The following NCMAP variants were observed in gnomAD, a reference collection of about 807,000 sequenced individuals.
NCMAP encodes noncompact myelin-associated protein.
A neutral mutation model predicts 7.8 loss-of-function variants in NCMAP; 8 were observed. That is an observed-to-expected ratio of 1.02 (90% CI 0.60 to 1.84). The LOEUF (loss-of-function observed/expected upper bound fraction) is 1.84. Ranked by LOEUF, NCMAP falls within the 40% of genes most tolerant of loss-of-function variation. NCMAP has a pLI of 0.00. For synonymous variants in NCMAP, 41 were observed against 52.9 expected, an observed-to-expected ratio of 0.78 and a Z score of 0.98; for missense variants, 112 against 131.4, an observed-to-expected ratio of 0.85 and a Z score of 0.72.
chr1:24,558,079 T>A (rs2148923567), intron 1 of NCMAP, among the ~76,000 whole-genome samples: 1 of 152,190 alleles, frequency 6.6e-6, no homozygotes, highest in East Asian at 1.9e-4. Context: ...GCAGTGGGTT[T>A]CCATCTCCCT....
intron 1 of NCMAP, among the ~76,000 whole-genome samples, chr1:24,573,253 T>A (rs1651442035): frequency 6.6e-6 from 1 of 150,718 alleles, no homozygotes; most frequent in African/African-American, 2.5e-5. Flanking sequence ...CTTAGCTCTG[T>A]AGTGGGCAAG....
At chr1:24,558,941 G>T (rs1177895258) in intron 1 of NCMAP, among the ~76,000 whole-genome samples, 4 of 151,406 alleles carry the variant, frequency 2.6e-5, no homozygotes, top group African/African-American at 7.3e-5. Context: ...ATTTTAAGTT[G>T]CCCAATAAAC....
intron 1 of NCMAP, among the ~76,000 whole-genome samples, chr1:24,573,112 C>T (rs545634506): frequency 6.6e-5 from 10 of 150,794 alleles, no homozygotes; most frequent in Non-Finnish European, 1.2e-4. Flanking sequence ...CACCTCCACG[C>T]CTGTCTATGG....
At chr1:24,564,055 T>C (rs994067660) in intron 1 of NCMAP, 4 of 152,022 alleles carry the variant, frequency 2.6e-5, no homozygotes, top group African/African-American at 9.7e-5. Flanking sequence ...GCCAAAACAT[T>C]AGCTATGAAA....
intron 1 of NCMAP, among the ~76,000 whole-genome samples, chr1:24,559,637 C>T (rs72654603): frequency 0.073 from 11,107 of 152,278 alleles, 446 homozygotes; most frequent in Middle Eastern, 0.13. Context: ...CTCAGGCCTT[C>T]TCCGAAGGGC....
chr1:24,578,883 A>G lies in NCMAP; in HGVS notation c.-7-16541A>G, dbSNP rs147341909. 2.0e-4 allele frequency among the ~76,000 whole-genome samples: 31 copies of G among 152,158 alleles called. No homozygotes were observed. The East Asian group carries it at 5.8e-3, about 28-fold the overall frequency. On this transcript the variant is annotated intron_variant, in intron 1 of 3. Transcript: ENST00000374392. ...CACCTGACTGAGAGCTTTGTTTTCT[A>G]TCATAAACTCATCCGGCAAACTCTC...
At chr1:24,585,326 T>A (rs1651851703) in intron 1 of NCMAP, among the ~76,000 whole-genome samples, 1 of 152,192 alleles carries the variant, frequency 6.6e-6, no homozygotes, top group Non-Finnish European at 1.5e-5. Flanking sequence ...TCCTTTCTTG[T>A]GCACTGCTGT....
intron 1 of NCMAP, among the ~76,000 whole-genome samples, chr1:24,577,159 T>C (rs1570522768): frequency 6.6e-6 from 1 of 151,766 alleles, no homozygotes; most frequent in Admixed American, 6.6e-5. Flanking sequence ...AAAATAAAAA[T>C]AAAAAATAAA....
intron 1 of NCMAP, among the ~76,000 whole-genome samples, chr1:24,592,884 A>C (rs1337355779): frequency 6.6e-6 from 1 of 151,096 alleles, no homozygotes; most frequent in Admixed American, 6.6e-5. Context: ...ATGCCACTGC[A>C]CTCCAGCCTG....
At chr1:24,580,169 C>T (rs928290167) in intron 1 of NCMAP, among the ~76,000 whole-genome samples, 3 of 152,314 alleles carry the variant, frequency 2.0e-5, no homozygotes, top group Admixed American at 1.3e-4. Context: ...CTGTCCAATG[C>T]GGGAGCCACC....
chr1:24,589,446 C>T (rs1651982129), intron 1 of NCMAP: 1 of 152,334 alleles, frequency 6.6e-6, no homozygotes, highest in Non-Finnish European at 1.5e-5. Context: ...AATTGAGAGC[C>T]CTCAGTCCCG....
At chr1:24,598,101 A>G (rs55799104) in intron 2 of NCMAP, among the ~76,000 whole-genome samples, 5,302 of 152,282 alleles carry the variant, frequency 0.035, 147 homozygotes, top group Middle Eastern at 0.12. Context: ...TGAAAAACCC[A>G]GAACTAAAGT....
intron 1 of NCMAP, among the ~76,000 whole-genome samples, chr1:24,581,411 C>G (rs1044984669): frequency 3.3e-5 from 5 of 152,262 alleles, no homozygotes; most frequent in African/African-American, 1.2e-4. Context: ...GCCACTGTGA[C>G]CGGCCCCTGC....
Position 24,609,206 on chromosome 1 carries a change from T to G in NCMAP, c.*3459T>G. On this transcript the variant is annotated 3_prime_UTR_variant, in exon 4 of 4. Coordinates refer to ENST00000374392, the MANE Select transcript of NCMAP (RefSeq NM_001010980.5). ...TCATGCAGGGATCTCACCACGTGGT[T>G]ATGTATTTTGTTTCTGATGAGGTGC... is the stretch of plus-strand genomic sequence containing the variant. 1 of 152,202 alleles carries G rather than the reference T, an allele frequency of 6.6e-6. No homozygotes were observed. The highest frequency in any genetic ancestry group is 1.5e-5 in the Non-Finnish European group (1 of 68,034). 9.4% of individuals were successfully genotyped at this position (152,202 alleles called of 1,614,324 possible). A position where few individuals can be genotyped will look rare whatever the true frequency, so the allele number is the denominator to read the frequency against.
At chr1:24,600,046 G>A (rs1652423561) in intron 2 of NCMAP, among the ~76,000 whole-genome samples, 1 of 151,856 alleles carries the variant, frequency 6.6e-6, no homozygotes, top group Non-Finnish European at 1.5e-5. Context: ...ATCTTGCCCA[G>A]GTTGGTCTGG....
chr1:24,608,179 C>G lies in NCMAP; in HGVS notation c.*2432C>G, dbSNP rs1652824596. The G allele has an allele frequency of 6.6e-6, 1 of 152,176 alleles. No individual in the cohort carries two copies. The highest frequency in any genetic ancestry group is 1.5e-5 in the Non-Finnish European group (1 of 68,032). 9.4% of individuals were successfully genotyped at this position (152,176 alleles called of 1,614,324 possible). Reference sequence around the variant, plus strand: ...ATTCAAAGAGAAAGAAAACAAAGTACTTTTCCAAAGTCACACAGCTAGTAA... The same window carrying G: ...ATTCAAAGAGAAAGAAAACAAAGTAGTTTTCCAAAGTCACACAGCTAGTAA... On this transcript the variant is annotated 3_prime_UTR_variant, in exon 4 of 4. Coordinates refer to ENST00000374392, the MANE Select transcript of NCMAP (RefSeq NM_001010980.5).
intron 1 of NCMAP, among the ~76,000 whole-genome samples, chr1:24,558,147 A>G (rs1324441706): frequency 6.6e-6 from 1 of 152,220 alleles, no homozygotes; most frequent in African/African-American, 2.4e-5. Flanking sequence ...AGACTGGAGG[A>G]GTACATGAAC....
intron 2 of NCMAP, among the ~76,000 whole-genome samples, chr1:24,596,009 TGG>T (rs1652213146): frequency 6.6e-6 from 1 of 152,090 alleles, no homozygotes; most frequent in Non-Finnish European, 1.5e-5. Flanking sequence ...TGGCTGGGTG[TGG>T]TGGCTCACAC....
chr1:24,591,041 A>G (rs1652032172), intron 1 of NCMAP, among the ~76,000 whole-genome samples: 1 of 151,102 alleles, frequency 6.6e-6, no homozygotes, highest in Non-Finnish European at 1.5e-5. Context: ...CGAAGGAGAG[A>G]AGACCCAGAC....
Sources: gnomAD v4.1 joint callset for allele counts (sites outside exome capture counted in the v4.1 genomes callset) on GRCh38, gnomAD v4.1.1 for gene constraint, MANE v1.5 for transcripts, NCBI Gene and HGNC (gene_info 2026-07-23, HGNC 2026-07-21) for gene names.